The following MARK1 variants were observed in gnomAD, a reference collection of about 807,000 sequenced individuals.
The protein encoded by MARK1 is serine/threonine-protein kinase MARK1.
A neutral mutation model predicts 96.3 loss-of-function variants in MARK1; 40 were observed. The observed-to-expected ratio is 0.42, with a 90% confidence interval of 0.32 to 0.54. The LOEUF is 0.54. Ranked by LOEUF, MARK1 falls within the 20% of genes least tolerant of loss-of-function variation. The pLI is 0.16. For synonymous variants in MARK1, 317 were observed against 341.2 expected, an observed-to-expected ratio of 0.93 and a Z score of 0.78; for missense variants, 719 against 984.6, an observed-to-expected ratio of 0.73 and a Z score of 3.61.
intron 4 of MARK1, among the ~76,000 whole-genome samples, chr1:220,599,528 A>G (rs1237899184): frequency 6.6e-6 from 1 of 152,068 alleles, no homozygotes; most frequent in East Asian, 1.9e-4. Context: ...TCCTTTTATT[A>G]CCTTATTCTA....
intron 1 of MARK1, among the ~76,000 whole-genome samples, chr1:220,565,996 T>C (rs182159607): frequency 5.9e-5 from 9 of 152,306 alleles, no homozygotes; most frequent in African/African-American, 2.2e-4. Context: ...GTAAGATGGA[T>C]TTAGGTTTTG....
chr1:220,528,634 C>G lies in MARK1; in HGVS notation c.-189C>G. On this transcript the variant is annotated 5_prime_UTR_variant, in exon 1 of 18. Transcript: ENST00000366917. ...CGGCGCCGCCGCGGGAAGCGGCTCC[C>G]CCTCCTCTTCCTCCGCGTCCTCTTC... 1 of 502,708 alleles carries G rather than the reference C, an allele frequency of 2.0e-6. No individual in the cohort carries two copies. Among genetic ancestry groups the G allele is most frequent in the Non-Finnish European group, 3.5e-6 (1 of 285,852 alleles). The allele number at this position is 502,708 out of a possible 1,614,324, so 31.1% of individuals were successfully genotyped here. A position where few individuals can be genotyped will look rare whatever the true frequency, so the allele number is the denominator to read the frequency against.
At chr1:220,596,353 C>T (rs1305005627) in intron 3 of MARK1, among the ~76,000 whole-genome samples, 2 of 152,172 alleles carry the variant, frequency 1.3e-5, no homozygotes, top group African/African-American at 4.8e-5. Context: ...ACCCTGTGTA[C>T]TGAGAGGTTA....
chr1:220,604,040 A>G (rs1665915539), intron 5 of MARK1, 27 bp from the exon 6 acceptor site: 1 of 1,482,894 alleles, frequency 6.7e-7, no homozygotes, highest in Non-Finnish European at 9.2e-7. Context: ...TGTATATTTT[A>G]CTACCTGCTT....
chr1:220,543,423 T>G (rs1406148059), intron 1 of MARK1, among the ~76,000 whole-genome samples: 2 of 152,228 alleles, frequency 1.3e-5, no homozygotes, highest in Admixed American at 1.3e-4. Flanking sequence ...TACTATACTT[T>G]TTAATATGCA....
At chr1:220,537,422 A>G (rs1660782708) in intron 1 of MARK1, among the ~76,000 whole-genome samples, 1 of 151,488 alleles carries the variant, frequency 6.6e-6, no homozygotes, top group African/African-American at 2.4e-5. Context: ...TGAACTCATC[A>G]TTTTTTATGG....
chr1:220,610,091 G>A (rs1666349868), intron 6 of MARK1, among the ~76,000 whole-genome samples: 1 of 152,070 alleles, frequency 6.6e-6, no homozygotes, highest in Non-Finnish European at 1.5e-5. Context: ...TTTGAATGTT[G>A]GCCTGCCTTG....
At chr1:220,641,826 G>A (rs984873621) in intron 13 of MARK1, among the ~76,000 whole-genome samples, 4 of 152,192 alleles carry the variant, frequency 2.6e-5, no homozygotes, top group African/African-American at 9.7e-5. Flanking sequence ...CTGGGCAAAG[G>A]GACCTCCCTC....
intron 13 of MARK1, among the ~76,000 whole-genome samples, chr1:220,639,200 G>A (rs1303483332): frequency 1.3e-5 from 2 of 152,098 alleles, no homozygotes; most frequent in Non-Finnish European, 2.9e-5. Flanking sequence ...AGGCTGCAAT[G>A]AGCTATGAGC....
chr1:220,576,001 T>C (rs1015126814), intron 1 of MARK1, among the ~76,000 whole-genome samples: 1 of 106 alleles, frequency 9.4e-3, no homozygotes, highest in Non-Finnish European at 0.025. Context: ...TTTTTTTTTC[T>C]TCTCTCCCTC....
At chr1:220,597,567 T>C (rs986939023) in intron 3 of MARK1, among the ~76,000 whole-genome samples, 16 of 152,238 alleles carry the variant, frequency 1.1e-4, no homozygotes, top group Non-Finnish European at 2.4e-4. Flanking sequence ...GTAGTAACTT[T>C]AGATTTTATT....
intron 9 of MARK1, among the ~76,000 whole-genome samples, chr1:220,621,801 A>G (rs960695127): frequency 1.3e-5 from 2 of 152,118 alleles, no homozygotes; most frequent in African/African-American, 4.8e-5. Flanking sequence ...AATTTGATTT[A>G]GAGAATTTTA....
At chr1:220,535,115 A>G (rs1660596777) in intron 1 of MARK1, among the ~76,000 whole-genome samples, 1 of 152,004 alleles carries the variant, frequency 6.6e-6, no homozygotes, top group Non-Finnish European at 1.5e-5. Flanking sequence ...TCTATTTTTA[A>G]TTTTTTGAGG....
intron 13 of MARK1, among the ~76,000 whole-genome samples, chr1:220,648,672 A>T (rs2103046623): frequency 6.6e-6 from 1 of 152,318 alleles, no homozygotes; most frequent in Admixed American, 6.5e-5. Flanking sequence ...CTTCTAGAAG[A>T]TGTATGGTAG....
At chr1:220,614,956 T>TA (rs1050185235) in intron 6 of MARK1, among the ~76,000 whole-genome samples, 3 of 152,136 alleles carry the variant, frequency 2.0e-5, no homozygotes, top group Non-Finnish European at 4.4e-5. Flanking sequence ...TTTAGACTTT[T>TA]AAAAAAATCT....
At chr1:220,657,906 C>A in intron 17 of MARK1, 72 bp downstream of exon 17, 4 of 1,125,436 alleles carry the variant, frequency 3.6e-6, no homozygotes, top group South Asian at 2.0e-5. Flanking sequence ...ATACTTACAG[C>A]ACTTAATGAT....
chr1:220,607,689 T>C (rs1382931225), intron 6 of MARK1, among the ~76,000 whole-genome samples: 2 of 152,158 alleles, frequency 1.3e-5, no homozygotes, highest in Admixed American at 1.3e-4. Context: ...ATATTGGCTG[T>C]GGGTTTGTCA....
chr1:220,625,407 A>G (rs182843274), intron 9 of MARK1, among the ~76,000 whole-genome samples: 26 of 152,332 alleles, frequency 1.7e-4, no homozygotes, highest in African/African-American at 6.0e-4. Context: ...GACATGGATC[A>G]TTCTTTGATT....
At chr1:220,566,041 T>G (rs1340648216) in intron 1 of MARK1, among the ~76,000 whole-genome samples, 1 of 152,186 alleles carries the variant, frequency 6.6e-6, no homozygotes, top group East Asian at 1.9e-4. Context: ...TGTGTGACAT[T>G]TGTTTTGCTT....
Sources: gnomAD v4.1 joint callset for allele counts (sites outside exome capture counted in the v4.1 genomes callset) on GRCh38, gnomAD v4.1.1 for gene constraint, MANE v1.5 for transcripts, NCBI Gene and HGNC (gene_info 2026-07-23, HGNC 2026-07-21) for gene names.